The following APBB1 variants were observed in gnomAD, a reference collection of about 807,000 sequenced individuals.
APBB1 encodes amyloid beta precursor protein binding family B member 1.
A neutral mutation model predicts 78.4 loss-of-function variants in APBB1; 22 were observed. That is an observed-to-expected ratio of 0.28 (90% CI 0.20 to 0.40). The LOEUF (loss-of-function observed/expected upper bound fraction) is 0.40. Ranked by LOEUF, APBB1 falls within the 10% of genes least tolerant of loss-of-function variation. The pLI is 1.00. For synonymous variants in APBB1, 369 were observed against 372.7 expected (o/e 0.99, Z 0.12); for missense variants, 749 against 932.4 (o/e 0.80, Z 2.56).
At position 6,411,349 on chromosome 11, in the gene APBB1, G is replaced by C; in HGVS notation, c.-2C>G. 1 of 1,532,284 alleles carries C rather than the reference G, an allele frequency of 6.5e-7. No individual in the cohort carries two copies. Among genetic ancestry groups the C allele is most frequent in the Non-Finnish European group, 8.8e-7 (1 of 1,141,112 alleles). 94.9% of individuals were successfully genotyped at this position (1,532,284 alleles called of 1,614,324 possible). ...GCTCAGTGATGATGGAACAGACATG[G>C]CCTTGGCAGCTCCTGTGGGGTGCGG... On this transcript the variant is annotated 5_prime_UTR_variant, in exon 2 of 15. Coordinates refer to ENST00000609360, the MANE Select transcript of APBB1 (RefSeq NM_001164.5). This position sits in a 1 kb window ranked among gnomAD's most constrained non-coding sequence, Gnocchi z 5.2.
In APBB1 at chr11:6,401,570, G is replaced by A. The variant is rs757354723; in HGVS notation, c.1503+4C>T. Reference sequence around the variant, plus strand: ...ACTAGTCCAGGGAGTGGAGGGGGCCGTGCCTTAGAGCAGATCTCATGCAGG... The same window carrying A: ...ACTAGTCCAGGGAGTGGAGGGGGCCATGCCTTAGAGCAGATCTCATGCAGG... On this transcript the variant is annotated splice_donor_region_variant and intron_variant, in intron 10 of 14. Coordinates refer to ENST00000609360, the MANE Select transcript of APBB1 (RefSeq NM_001164.5). The surrounding 1 kb of genome is among the most constrained non-coding windows in gnomAD (Gnocchi z 4.5). 63 of 1,614,038 alleles carry A rather than the reference G, an allele frequency of 3.9e-5. No individual in the cohort carries two copies. The highest frequency in any genetic ancestry group is 8.9e-5 in the East Asian group (4 of 44,892).
In APBB1 at chr11:6,410,731, G is replaced by A. The variant is rs377250975; in HGVS notation, c.617C>T (p.Ala206Val). The A allele has an allele frequency of 2.6e-6, 4 of 1,562,594 alleles. No homozygotes were observed. The highest frequency in any genetic ancestry group is 3.5e-6 in the Non-Finnish European group (4 of 1,154,384). The change falls in exon 2 of 15, where the codon GCC becomes GTC. Residue 206 changes from alanine (A) to valine (V), a missense_variant. Ala to Val is a moderately conservative substitution (Grantham distance 64). Around this residue, in one of 3 missense-constraint regions of APBB1, gnomAD observed 635 missense variants for 765.0 expected, o/e 0.83. Coordinates refer to ENST00000609360, the MANE Select transcript of APBB1 (RefSeq NM_001164.5). ...GTTCCGCATGCCAAACAGGAGGCTGGCACTCTTGCTGTGTTCCCGGGGGCC... is the reference window on the plus strand; with the variant it reads ...GTTCCGCATGCCAAACAGGAGGCTGACACTCTTGCTGTGTTCCCGGGGGCC... The part of the protein sequence containing the change: ...TDGPREHSKS[A>V]SLLFGMRNSA...
In APBB1 at chr11:6,411,873, C is replaced by A. The variant is rs1194191060; in HGVS notation, c.-14-512G>T. Among the ~76,000 whole-genome samples, 3 of 152,248 alleles carry A rather than the reference C, an allele frequency of 2.0e-5. No individual in the cohort carries two copies. Among genetic ancestry groups the A allele is most frequent in the African/African-American group, 7.2e-5 (3 of 41,468 alleles). On this transcript the variant is annotated intron_variant, in intron 1 of 14. Coordinates refer to ENST00000609360, the MANE Select transcript of APBB1 (RefSeq NM_001164.5). This position sits in a 1 kb window ranked among gnomAD's most constrained non-coding sequence, Gnocchi z 5.2. Reference sequence around the variant, plus strand: ...TCAGCTCAACCAGCCCCCAAGCCCACCCCATACTAGGGACTGTGAGGACAG... The same window carrying A: ...TCAGCTCAACCAGCCCCCAAGCCCAACCCATACTAGGGACTGTGAGGACAG...
At chr11:6,398,028 C>G (rs894129879) in intron 12 of APBB1, among the ~76,000 whole-genome samples, 7 of 152,202 alleles carry the variant, frequency 4.6e-5, no homozygotes, top group Admixed American at 4.6e-4. Flanking sequence ...AGTCAAACTG[C>G]TGAATAGATG....
chr11:6,418,940 G>C (rs998182951), intron 1 of APBB1, 45 bp downstream of exon 1: 4 of 385,110 alleles, frequency 1.0e-5, no homozygotes, highest in East Asian at 3.7e-5. Context: ...GCTGGTGATC[G>C]GGACGCAGCC....
chr11:6,396,397 G>C (rs55869916), intron 12 of APBB1, 182 bp from the exon 13 acceptor site: 18,724 of 571,318 alleles, frequency 0.033, 378 homozygotes, highest in Non-Finnish European at 0.043. Flanking sequence ...CCTGGCTTCA[G>C]TAACTGGACA....
intron 2 of APBB1, among the ~76,000 whole-genome samples, chr11:6,408,043 T>G (rs1019652861): frequency 6.6e-6 from 1 of 151,378 alleles, no homozygotes; most frequent in African/African-American, 2.4e-5. Context: ...CCTCCCAAAG[T>G]GCTGGGATTA....
chr11:6,418,844 G>A (rs1462009724), intron 1 of APBB1, 141 bp downstream of exon 1: 2 of 360,918 alleles, frequency 5.5e-6, no homozygotes, highest in Non-Finnish European at 9.9e-6. Context: ...GCGGGCGCGC[G>A]GTGGAAGGGC....
At chr11:6,413,993 A>G (rs1355633993) in intron 1 of APBB1, among the ~76,000 whole-genome samples, 1 of 152,072 alleles carries the variant, frequency 6.6e-6, no homozygotes, top group Non-Finnish European at 1.5e-5. Context: ...ATCTTCCAAA[A>G]ATGGAAACCA....
chr11:6,399,599 G>A (rs774916142), intron 12 of APBB1, among the ~76,000 whole-genome samples: 1 of 152,132 alleles, frequency 6.6e-6, no homozygotes, highest in Non-Finnish European at 1.5e-5. Flanking sequence ...TACAGCAAGA[G>A]CCTCCTAACT....
In APBB1 at chr11:6,411,329, GTGA is replaced by G. The variant is rs1327111716; in HGVS notation, c.16_18del (p.Ser6del). 1 of 1,546,662 alleles carries G rather than the reference GTGA, an allele frequency of 6.5e-7. No homozygotes were observed. The highest frequency in any genetic ancestry group is 1.4e-5 in the African/African-American group (1 of 72,938). On this transcript the variant is annotated inframe_deletion, in exon 2 of 15. Transcript: ENST00000609360. This position sits in a 1 kb window ranked among gnomAD's most constrained non-coding sequence, Gnocchi z 5.2. ...TTGGCATTAATGGCCGACTGGCTCA[GTGA>G]TGATGGAACAGACATGGCCTTGGCA...
At position 6,401,918 on chromosome 11, in the gene APBB1, AGCTTGGGTGCTT is replaced by A. The variant is rs1373080847; in HGVS notation, c.1388+47_1388+58del. On this transcript the variant is annotated intron_variant, in intron 9 of 14. Coordinates refer to ENST00000609360, the MANE Select transcript of APBB1 (RefSeq NM_001164.5). The surrounding 1 kb of genome is among the most constrained non-coding windows in gnomAD (Gnocchi z 4.5). Reference sequence around the variant, plus strand: ...GGGAAGGGGCAGGGCAGAAGAGGGGAGCTTGGGTGCTTCCAGGCATCTGGTCCAGGTGTAGGA... The same window carrying A: ...GGGAAGGGGCAGGGCAGAAGAGGGGACCAGGCATCTGGTCCAGGTGTAGGA... 2 of 1,550,570 alleles carry A rather than the reference AGCTTGGGTGCTT, an allele frequency of 1.3e-6. No individual in the cohort carries two copies. Among genetic ancestry groups the A allele is most frequent in the East Asian group, 4.5e-5 (2 of 44,254 alleles).
Position 6,395,420 on chromosome 11 carries a change from G to A in APBB1, c.*114C>T. ...GCAGGGAACCGTAGCTACTGGGGAG[G>A]GGCATATTTGGGAGGCCTGAGGCCT... On this transcript the variant is annotated 3_prime_UTR_variant, in exon 15 of 15. Transcript: ENST00000609360. The surrounding 1 kb of genome is among the most constrained non-coding windows in gnomAD (Gnocchi z 5.2). The A allele has an allele frequency of 2.6e-6, 3 of 1,159,926 alleles. No individual in the cohort carries two copies. 71.9% of individuals were successfully genotyped at this position (1,159,926 alleles called of 1,614,324 possible).
chr11:6,403,005 A>G lies in APBB1; in HGVS notation c.1104+140T>C. On this transcript the variant is annotated intron_variant, in intron 6 of 14. Transcript: ENST00000609360. This position sits in a 1 kb window ranked among gnomAD's most constrained non-coding sequence, Gnocchi z 5.3. ...ACTGAAGTGCCTCCAGCTCAGACAC[A>G]GGGCTCTGTGCTGAGACTGGAAGAA... is the stretch of plus-strand genomic sequence containing the variant. The G allele has an allele frequency of 4.5e-6, 4 of 897,500 alleles. No individual in the cohort carries two copies. The highest frequency in any genetic ancestry group is 6.8e-6 in the Non-Finnish European group (4 of 585,354). The allele number at this position is 897,500 out of a possible 1,614,324, so 55.6% of individuals were successfully genotyped here. A position where few individuals can be genotyped will look rare whatever the true frequency, so the allele number is the denominator to read the frequency against.
intron 2 of APBB1, among the ~76,000 whole-genome samples, chr11:6,405,944 C>T (rs1564942729): frequency 1.3e-5 from 2 of 152,338 alleles, no homozygotes; most frequent in East Asian, 1.9e-4. Flanking sequence ...TGGCTGGACA[C>T]TTCTGGAATC....
intron 12 of APBB1, among the ~76,000 whole-genome samples, chr11:6,397,040 C>T (rs1426673978): frequency 1.3e-5 from 2 of 152,222 alleles, no homozygotes; most frequent in Non-Finnish European, 2.9e-5. Flanking sequence ...AACATTTCCC[C>T]TCATGGATCC....
Position 6,395,265 on chromosome 11 carries a change from T to C in APBB1, c.*269A>G. ...GAGGATGAGGCCTGGCCTGGACCAG[T>C]TCCTCCTGTTCCACCTGAAACACAT... is the stretch of plus-strand genomic sequence containing the variant. On this transcript the variant is annotated 3_prime_UTR_variant, in exon 15 of 15. Transcript: ENST00000609360. The surrounding 1 kb of genome is among the most constrained non-coding windows in gnomAD (Gnocchi z 5.2). 1 of 359,234 alleles carries C rather than the reference T, an allele frequency of 2.8e-6. No individual in the cohort carries two copies. Among genetic ancestry groups the C allele is most frequent in the South Asian group, 7.6e-5 (1 of 13,240 alleles). The allele number at this position is 359,234 out of a possible 1,614,324, so 22.3% of individuals were successfully genotyped here.
chr11:6,401,115 C>T lies in APBB1; in HGVS notation c.1589-43G>A. ...AGGTTGATCATGGTGGCAGACCTTG[C>T]TCACCCGCAGCCCCACCAGCAGGGC... On this transcript the variant is annotated intron_variant, in intron 11 of 14. Coordinates refer to ENST00000609360, the MANE Select transcript of APBB1 (RefSeq NM_001164.5). This position sits in a 1 kb window ranked among gnomAD's most constrained non-coding sequence, Gnocchi z 4.5. 6.2e-7 allele frequency: 1 copy of T among 1,614,130 alleles called. No individual in the cohort carries two copies. The highest frequency in any genetic ancestry group is 8.5e-7 in the Non-Finnish European group (1 of 1,180,014).
In APBB1 at chr11:6,396,185, G is replaced by A. The variant is rs1848209055; in HGVS notation, c.1703C>T (p.Ser568Leu). 1.3e-6 allele frequency: 2 copies of A among 1,551,502 alleles called. No homozygotes were observed. The highest frequency in any genetic ancestry group is 2.0e-5 in the Admixed American group (1 of 50,848). Residue 568 changes from serine (S) to leucine (L), a missense_variant, in exon 13 of 15, where the codon TCA becomes TTA. Ser to Leu is a moderately radical substitution (Grantham distance 145). This residue lies in a region of APBB1 where 635 missense variants were observed against 765.0 expected (regional missense o/e 0.83). Transcript: ENST00000609360. Reference sequence around the variant, plus strand: ...TTCACGGCTGCTGGAGGACAGGACTGACTCGAGGGCCCCATTAATCACATC... The same window carrying A: ...TTCACGGCTGCTGGAGGACAGGACTAACTCGAGGGCCCCATTAATCACATC... Reference protein sequence around the residue: ...GVDVINGALESVLSSSSREQW... With the variant: ...GVDVINGALELVLSSSSREQW...
Sources: allele counts gnomAD v4.1 joint callset (sites outside exome capture counted in the v4.1 genomes callset), GRCh38; gene constraint gnomAD v4.1.1; regional missense constraint gnomAD v4.1.1; non-coding constraint Gnocchi (gnomAD v3.1); transcripts MANE v1.5; gene names NCBI Gene and HGNC (gene_info 2026-07-23, HGNC 2026-07-21).